GMDS: variants seen among roughly 807,000 people sequenced by gnomAD.
GMDS encodes the protein GDP-mannose 4,6 dehydratase.
Under a neutral mutation model 49.9 loss-of-function variants are expected in GMDS, and 20 were observed. That is an observed-to-expected ratio of 0.40 (90% CI 0.28 to 0.58). The LOEUF (loss-of-function observed/expected upper bound fraction) is 0.58, where lower values mean the gene tolerates loss of function less well. Ranked by LOEUF, GMDS falls within the 20% of genes least tolerant of loss-of-function variation. GMDS has a pLI of 0.42. For synonymous variants in GMDS, 177 were observed against 178.6 expected (o/e 0.99, Z 0.07); for missense variants, 362 against 481.4 (o/e 0.75, Z 2.32).
chr6:1,762,870 C>T (rs1018620623), intron 7 of GMDS, among the ~76,000 whole-genome samples: 3 of 152,168 alleles, frequency 2.0e-5, no homozygotes, highest in Non-Finnish European at 4.4e-5. Context: ...TGCTTCGAGA[C>T]ATTAGGGAAT....
chr6:2,038,232 A>G (rs998458928), intron 4 of GMDS, among the ~76,000 whole-genome samples: 3 of 152,234 alleles, frequency 2.0e-5, no homozygotes, highest in Admixed American at 2.0e-4. Context: ...CAGGGTGTAC[A>G]TGCTGAAAAG....
At chr6:1,624,437 C>A (rs368655197) in intron 10 of GMDS, 35 bp downstream of exon 10, 3 of 1,584,640 alleles carry the variant, frequency 1.9e-6, no homozygotes, top group South Asian at 2.2e-5. Flanking sequence ...CCCGGGGCCC[C>A]GCAGCGGGCG....
Position 1,899,792 on chromosome 6 carries a change from G to A in GMDS, c.771+30311C>T, listed in dbSNP as rs188977928. Among the ~76,000 whole-genome samples the A allele has an allele frequency of 2.0e-5, 3 of 151,916 alleles. No homozygotes were observed. In the East Asian group the frequency reaches 5.8e-4, roughly 30 times the overall value. On this transcript the variant is annotated intron_variant, in intron 7 of 10. Transcript: ENST00000380815. Reference sequence around the variant, plus strand: ...ACAGTCGCCACTCTAAGGCCCCGTGGAGACCTGCAACAGGGCACCCTGTCG... The same window carrying A: ...ACAGTCGCCACTCTAAGGCCCCGTGAAGACCTGCAACAGGGCACCCTGTCG...
At chr6:1,647,953 C>T (rs1292155172) in intron 9 of GMDS, among the ~76,000 whole-genome samples, 1 of 152,184 alleles carries the variant, frequency 6.6e-6, no homozygotes, top group Non-Finnish European at 1.5e-5. Context: ...TCTCAGGGAC[C>T]AGCACAGTTC....
chr6:1,720,661 T>C (rs1766351050), intron 9 of GMDS, among the ~76,000 whole-genome samples: 1 of 152,168 alleles, frequency 6.6e-6, no homozygotes, highest in Non-Finnish European at 1.5e-5. Context: ...GTCTCGCCTC[T>C]CTTTCTATAG....
chr6:2,165,713 G>C (rs573771423), intron 1 of GMDS, among the ~76,000 whole-genome samples: 33 of 152,260 alleles, frequency 2.2e-4, no homozygotes, highest in African/African-American at 7.0e-4. Flanking sequence ...AATAATGTCA[G>C]CTCATATAGC....
At chr6:1,879,584 G>GTT (rs1181954213) in intron 7 of GMDS, among the ~76,000 whole-genome samples, 3 of 143,814 alleles carry the variant, frequency 2.1e-5, no homozygotes, top group African/African-American at 5.1e-5. Flanking sequence ...GTTACCAAAG[G>GTT]TTTTTTTTTT....
intron 7 of GMDS, among the ~76,000 whole-genome samples, chr6:1,788,352 G>A (rs1769400961): frequency 6.6e-6 from 1 of 152,194 alleles, no homozygotes. Flanking sequence ...AAAGCAATGG[G>A]ACAAGAGTTA....
chr6:1,956,302 G>A (rs1212187021), intron 6 of GMDS, among the ~76,000 whole-genome samples: 6 of 152,184 alleles, frequency 3.9e-5, no homozygotes. Context: ...ATAAACAAGT[G>A]CATCTGCCTG....
chr6:1,814,267 C>T (rs188424227), intron 7 of GMDS, among the ~76,000 whole-genome samples: 25 of 152,290 alleles, frequency 1.6e-4, no homozygotes, highest in Admixed American at 5.2e-4. Flanking sequence ...GGCACCTTCT[C>T]CACTACAGGA....
intron 8 of GMDS, among the ~76,000 whole-genome samples, chr6:1,740,488 C>T (rs1387698624): frequency 2.0e-5 from 3 of 148,952 alleles, no homozygotes; most frequent in Non-Finnish European, 4.4e-5. Context: ...ACCCAGAAGG[C>T]GGAGGTTGTA....
intron 9 of GMDS, among the ~76,000 whole-genome samples, chr6:1,662,081 G>C (rs1004406589): frequency 6.6e-6 from 1 of 152,090 alleles, no homozygotes; most frequent in African/African-American, 2.4e-5. Context: ...TGCGTGGCTG[G>C]AAGGCATTGT....
intron 4 of GMDS, among the ~76,000 whole-genome samples, chr6:1,994,291 A>C (rs1217388295): frequency 6.6e-6 from 1 of 152,136 alleles, no homozygotes; most frequent in Non-Finnish European, 1.5e-5. Flanking sequence ...ACAAATATAC[A>C]ATCATGATAG....
At chr6:1,745,952 C>T (rs775972914) in intron 7 of GMDS, among the ~76,000 whole-genome samples, 16 of 152,158 alleles carry the variant, frequency 1.1e-4, no homozygotes, top group Non-Finnish European at 2.9e-5. Flanking sequence ...CGTCGTAATG[C>T]TAGATCATGT....
At chr6:1,913,198 G>T (rs947254749) in intron 7 of GMDS, among the ~76,000 whole-genome samples, 1 of 151,646 alleles carries the variant, frequency 6.6e-6, no homozygotes, top group Admixed American at 6.6e-5. Context: ...CGGCTAAAAC[G>T]GTGAAACCCC....
intron 7 of GMDS, among the ~76,000 whole-genome samples, chr6:1,783,875 G>A (rs1203437882): frequency 6.6e-6 from 1 of 152,126 alleles, no homozygotes; most frequent in African/African-American, 2.4e-5. Flanking sequence ...ATTGCGATGT[G>A]AAGGTTACTC....
chr6:1,800,164 C>T (rs1352631120), intron 7 of GMDS, among the ~76,000 whole-genome samples: 2 of 152,000 alleles, frequency 1.3e-5, no homozygotes, highest in Non-Finnish European at 2.9e-5. Context: ...ACAAGGTCTC[C>T]TGAAATAAAA....
At chr6:1,846,156 A>C (rs887071329) in intron 7 of GMDS, among the ~76,000 whole-genome samples, 2 of 150,574 alleles carry the variant, frequency 1.3e-5, no homozygotes, top group Non-Finnish European at 3.0e-5. Flanking sequence ...GCAGTGCCAC[A>C]ATCACAGCTC....
At chr6:1,775,851 T>C (rs567945838) in intron 7 of GMDS, among the ~76,000 whole-genome samples, 43 of 152,380 alleles carry the variant, frequency 2.8e-4, no homozygotes, top group Admixed American at 2.7e-3. Context: ...TAGTTATTTT[T>C]TCTTCAAGTT....
Sources: gnomAD v4.1 joint callset for allele counts (sites outside exome capture counted in the v4.1 genomes callset) on GRCh38, gnomAD v4.1.1 for gene constraint, MANE v1.5 for transcripts, NCBI Gene and HGNC (gene_info 2026-07-23, HGNC 2026-07-21) for gene names.